Variants in TOP3A observed in about 807,000 individuals in gnomAD.
The protein encoded by TOP3A is DNA topoisomerase III alpha.
TOP3A carries 64 observed loss-of-function variants against 111.3 expected under a neutral mutation model. The ratio of observed to expected loss-of-function variants is 0.57; its 90% CI spans 0.47 to 0.71. The LOEUF (loss-of-function observed/expected upper bound fraction) is 0.71. TOP3A is among the 30% of genes least tolerant of loss of function. TOP3A has a pLI of 0.00. For missense variants in TOP3A, 1,104 were observed against 1,285.0 expected (o/e 0.86, Z 2.15); for synonymous variants, 484 against 485.1 (o/e 1.00, Z 0.03).
intron 13 of TOP3A, 81 bp from the exon 14 acceptor site, chr17:18,285,601 C>T (rs979794696): frequency 6.0e-6 from 7 of 1,170,616 alleles, no homozygotes; most frequent in Middle Eastern, 2.8e-4. Flanking sequence ...TTGCTCACCC[C>T]GGAATCCCTC....
rs545841163 is a variant in TOP3A at position 18,286,686 on chromosome 17, T to C, written c.1598-1166A>G. Among the ~76,000 whole-genome samples the C allele has an allele frequency of 8.1e-4, 124 of 152,324 alleles. 1 individual carries two copies. Among genetic ancestry groups the C allele is most frequent in the African/African-American group, 2.9e-3 (121 of 41,584 alleles). ...ACGGTACAGCCACTTCAGAAAAGTT[T>C]GGTGGTTCCTAAAAATGTTAAATGT... On this transcript the variant is annotated intron_variant, in intron 13 of 18. Transcript: ENST00000321105.
At chr17:18,308,534 G>A (rs977338955) in intron 2 of TOP3A, 110 bp from the exon 3 acceptor site, 12 of 707,320 alleles carry the variant, frequency 1.7e-5, no homozygotes, top group Admixed American at 3.1e-5. Flanking sequence ...TTAAAAACCT[G>A]ATTGGGAAGA....
chr17:18,294,828 T>C, intron 9 of TOP3A, 43 bp from the exon 10 acceptor site: 1 of 1,332,300 alleles, frequency 7.5e-7, no homozygotes. Context: ...ACTGCATGGG[T>C]CAGGCAGCAC....
At chr17:18,304,982 G>A in intron 5 of TOP3A, 130 bp downstream of exon 5, 1 of 749,240 alleles carries the variant, frequency 1.3e-6, no homozygotes, top group Admixed American at 2.0e-5. Flanking sequence ...CATGGCTGGT[G>A]GGACTCACAG....
In TOP3A at chr17:18,285,189, C is replaced by T; in HGVS notation, c.1830G>A (p.Val610=). ...KDKFVVLRQQ[V]QKYKQVFIEA... ...CAATGAAAACCTGCTTGTATTTCTG[C>T]ACTTGCTGCCTTAGAACCACAAATT... is the stretch of plus-strand genomic sequence containing the variant. The change falls in exon 15 of 19, where the codon GTG becomes GTA. Residue 610 remains valine (V), a synonymous_variant. Coordinates refer to ENST00000321105, the MANE Select transcript of TOP3A (RefSeq NM_004618.5). The T allele has an allele frequency of 6.2e-7, 1 of 1,614,202 alleles. No homozygotes were observed. The highest frequency in any genetic ancestry group is 8.5e-7 in the Non-Finnish European group (1 of 1,180,026).
At chr17:18,294,535 G>A (rs958540468) in intron 10 of TOP3A, among the ~76,000 whole-genome samples, 168 bp downstream of exon 10, 4 of 152,064 alleles carry the variant, frequency 2.6e-5, no homozygotes, top group African/African-American at 9.7e-5. Context: ...TCACCATGTT[G>A]GCCAGGATGG....
At chr17:18,300,357 G>A (rs1981151662) in intron 8 of TOP3A, among the ~76,000 whole-genome samples, 1 of 151,468 alleles carries the variant, frequency 6.6e-6, no homozygotes. Context: ...TCGTGCCATT[G>A]CACTCCAGCC....
Position 18,301,970 on chromosome 17 carries a change from T to C in TOP3A, c.830A>G (p.Lys277Arg), listed in dbSNP as rs1567748463. Residue 277 changes from lysine (K) to arginine (R), a missense_variant, in exon 8 of 19, where the codon AAA (lysine) becomes AGA (arginine). By Grantham distance (26) the Lys-to-Arg change is conservative. Transcript: ENST00000321105. ...CCAGTTGAATTCTACGATACCATCT[T>C]TGTGGTCATGAGTTACTATATTAAG... The part of the protein sequence containing the change: ...FHRIKVTHDH[K>R]DGIVEFNWKR... 6.2e-7 allele frequency: 1 copy of C among 1,614,140 alleles called. No homozygotes were observed.
chr17:18,276,302 C>T (rs940679432), intron 18 of TOP3A, among the ~76,000 whole-genome samples: 5 of 152,180 alleles, frequency 3.3e-5, no homozygotes, highest in African/African-American at 4.8e-5. Context: ...ACCAGCTGCT[C>T]ATTTACCCAG....
intron 2 of TOP3A, 111 bp from the exon 3 acceptor site, chr17:18,308,535 A>G (rs762827540): frequency 2.8e-6 from 2 of 706,244 alleles, no homozygotes; most frequent in East Asian, 5.8e-5. Context: ...TAAAAACCTG[A>G]TTGGGAAGAA....
Position 18,292,784 on chromosome 17 carries a change from TC to T in TOP3A, c.1141del (p.Glu381AsnfsTer17). The T allele has an allele frequency of 3.1e-6, 5 of 1,614,118 alleles. No homozygotes were observed. The highest frequency in any genetic ancestry group is 4.2e-6 in the Non-Finnish European group (5 of 1,179,988). On this transcript the variant is annotated frameshift_variant, in exon 11 of 19. Coordinates refer to ENST00000321105, the MANE Select transcript of TOP3A (RefSeq NM_004618.5). LOFTEE classifies it high-confidence loss of function. ...PRDLNLTVLV[E>X]QQTPDPRWGA... Reference sequence around the variant, plus strand: ...CCAGCGTGGATCGGGGGTCTGCTGTTCCACCAACACCGTCAGGTTTAAGTCT... The same window carrying T: ...CCAGCGTGGATCGGGGGTCTGCTGTTCACCAACACCGTCAGGTTTAAGTCT...
At chr17:18,308,307 A>G in intron 3 of TOP3A, 44 bp downstream of exon 3, 1 of 1,282,420 alleles carries the variant, frequency 7.8e-7, no homozygotes, top group Non-Finnish European at 1.1e-6. Flanking sequence ...AAATTTCACA[A>G]CTTACTATAA....
Position 18,302,361 on chromosome 17 carries a change from G to A in TOP3A, c.717C>T (p.Ile239=). ...TGGGGAACTGGCAGCTGCCGTAACT[G>A]ATGAGCTGCTCTGCCAGCACCTCAG... ...IFPEVLAEQL[I]SYGSCQFPTL... Residue 239 remains isoleucine, a synonymous_variant, in exon 7 of 19, where the codon ATC becomes ATT. Transcript: ENST00000321105. 6.2e-7 allele frequency: 1 copy of A among 1,613,382 alleles called. No homozygotes were observed. The highest frequency in any genetic ancestry group is 1.3e-5 in the African/African-American group (1 of 75,000).
Position 18,277,662 on chromosome 17 carries a change from C to T in TOP3A, c.2827+13G>A. On this transcript the variant is annotated intron_variant, in intron 18 of 18. Coordinates refer to ENST00000321105, the MANE Select transcript of TOP3A (RefSeq NM_004618.5). ...ACTGAAGGCAGGGATTCCCATGCCC[C>T]TCCCTGCCTCACCTGGAGCGGTGTT... 2 of 1,594,216 alleles carry T rather than the reference C, an allele frequency of 1.3e-6. No homozygotes were observed. The highest frequency in any genetic ancestry group is 8.6e-7 in the Non-Finnish European group (1 of 1,164,754).
Position 18,274,744 on chromosome 17 carries a change from T to C in TOP3A, c.*58A>G. ...TGGCCACTTGGTCCTGGTTAACTCA[T>C]TTCTAAACACAAAGGGGACAGGTCT... On this transcript the variant is annotated 3_prime_UTR_variant, in exon 19 of 19. Coordinates refer to ENST00000321105, the MANE Select transcript of TOP3A (RefSeq NM_004618.5). 1 of 1,564,790 alleles carries C rather than the reference T, an allele frequency of 6.4e-7. No individual in the cohort carries two copies. The highest frequency in any genetic ancestry group is 1.9e-5 in the Admixed American group (1 of 53,050).
intron 1 of TOP3A, chr17:18,312,313 T>A (rs1357410929): frequency 6.6e-6 from 1 of 152,314 alleles, no homozygotes. Flanking sequence ...CGAGCAGGGG[T>A]TGACACCGTC....
In TOP3A at chr17:18,278,319, G is replaced by A. The variant is rs1422208703; in HGVS notation, c.2183C>T (p.Thr728Ile). ...GCAGCAAACAAACTCCAGAGGCATG[G>A]TCGGGGGAAGGCTACCGCGCTTAAA... ...LKFKRGSLPP[T>I]MPLEFVCCIG... The change falls in exon 18 of 19, where the codon ACC (threonine) becomes ATC (isoleucine). Residue 728 changes from threonine to isoleucine, a missense_variant. By Grantham distance (89) the Thr-to-Ile change is moderately conservative (BLOSUM62 -1). Transcript: ENST00000321105. 4 of 1,517,344 alleles carry A rather than the reference G, an allele frequency of 2.6e-6. No homozygotes were observed. The East Asian group carries it at 9.1e-5, about 35-fold the overall frequency. The allele number at this position is 1,517,344 out of a possible 1,614,324, so 94.0% of individuals were successfully genotyped here.
intron 5 of TOP3A, 66 bp from the exon 6 acceptor site, chr17:18,302,789 A>C: frequency 3.2e-6 from 5 of 1,551,048 alleles, no homozygotes; most frequent in Non-Finnish European, 4.4e-6. Flanking sequence ...TAAAGGACTC[A>C]CTTTTCTTAA....
intron 15 of TOP3A, among the ~76,000 whole-genome samples, chr17:18,283,189 G>A (rs890631287): frequency 6.6e-6 from 1 of 152,148 alleles, no homozygotes; most frequent in African/African-American, 2.4e-5. Flanking sequence ...GACCAACATG[G>A]TGAAACCCCG....
Sources: allele counts gnomAD v4.1 joint callset (sites outside exome capture counted in the v4.1 genomes callset), GRCh38; gene constraint gnomAD v4.1.1; transcripts MANE v1.5; gene names NCBI Gene and HGNC (gene_info 2026-07-23, HGNC 2026-07-21).